PCDHGA5: variants seen among roughly 807,000 people sequenced by gnomAD.
PCDHGA5 encodes the protein protocadherin gamma subfamily A, 5, also known as protocadherin gamma-A5.
In PCDHGA5, 36 loss-of-function variants were observed where a neutral mutation model predicts 56.7. The ratio of observed to expected loss-of-function variants is 0.64; its 90% CI spans 0.49 to 0.84. The LOEUF (loss-of-function observed/expected upper bound fraction) is 0.84, where lower values mean the gene tolerates loss of function less well. Among genes scored for constraint, PCDHGA5 ranks in the 40% least tolerant of loss-of-function variants. The pLI is 0.00. For synonymous variants in PCDHGA5, 563 were observed against 520.2 expected (o/e 1.08, Z -1.12); for missense variants, 1,305 against 1,201.5 (o/e 1.09, Z -1.27).
Position 141,366,231 on chromosome 5 carries a change from A to G in PCDHGA5, c.1901A>G (p.Asp634Gly), listed in dbSNP as rs1288043202. 3 of 1,613,786 alleles carry G rather than the reference A, an allele frequency of 1.9e-6. No homozygotes were observed. Among genetic ancestry groups the G allele is most frequent in the Non-Finnish European group, 2.5e-6 (3 of 1,180,026 alleles). Residue 634 changes from aspartate to glycine, a missense_variant, in exon 1 of 4, where the codon GAC becomes GGC. Transcript: ENST00000518069. ...GTGCGCACAGCGCGAGCCCTGCTGG[A>G]CAGAGACGCGCTCAAGCAGAGCCTC... Reference protein sequence around the residue: ...GEVRTARALLDRDALKQSLVV... With the variant: ...GEVRTARALLGRDALKQSLVV...
chr5:141,394,740 G>A (rs148904388), intron 1 of PCDHGA5: 174 of 1,613,404 alleles, frequency 1.1e-4, no homozygotes, highest in Non-Finnish European at 1.4e-4. Flanking sequence ...GCAGAGCCTC[G>A]TGGTGGCCGT....
chr5:141,371,371 A>C (rs745398017), intron 1 of PCDHGA5: 1 of 1,614,032 alleles, frequency 6.2e-7, no homozygotes, highest in Non-Finnish European at 8.5e-7. Context: ...GATGGTGGAC[A>C]TCACACTGCA....
rs1203060261 is a variant in PCDHGA5, at chr5:141,493,037, AG to A, written c.2422-1768del. 3.3e-5 allele frequency among the ~76,000 whole-genome samples: 5 copies of A among 152,252 alleles called. No individual in the cohort carries two copies. The highest frequency in any genetic ancestry group is 2.6e-4 in the Admixed American group (4 of 15,290). ...AGATGCCAGGGTGCCCTTATGTGTG[AG>A]GAAACTACAATAGTAAAAAACACAA... is the stretch of plus-strand genomic sequence containing the variant. On this transcript the variant is annotated intron_variant, in intron 1 of 3. Transcript: ENST00000518069. This position sits in a 1 kb window ranked among gnomAD's most constrained non-coding sequence, Gnocchi z 4.3.
chr5:141,423,440 C>T lies in PCDHGA5; in HGVS notation c.2421+56689C>T, dbSNP rs768389351. 27 of 1,613,852 alleles carry T rather than the reference C, an allele frequency of 1.7e-5. No individual in the cohort carries two copies. In the East Asian group the frequency reaches 4.5e-4, roughly 27 times the overall value. ...GAAGGCGGGTTGGCAGGTATGCCCACGTCACATTTTGTAGGCGTGGACGGG... is the reference window on the plus strand; with the variant it reads ...GAAGGCGGGTTGGCAGGTATGCCCATGTCACATTTTGTAGGCGTGGACGGG... On this transcript the variant is annotated intron_variant, in intron 1 of 3. Coordinates refer to ENST00000518069, the MANE Select transcript of PCDHGA5 (RefSeq NM_018918.3).
chr5:141,486,884 C>G lies in PCDHGA5; in HGVS notation c.2422-7923C>G, dbSNP rs1272694679. On this transcript the variant is annotated intron_variant, in intron 1 of 3. Transcript: ENST00000518069. The surrounding 1 kb of genome is among the most constrained non-coding windows in gnomAD (Gnocchi z 5.0). ...TCCAGCTGTGCTCCGTCCTCGGGCC[C>G]GGCCTGGTTCCTTATGTCCCCAAGC... The G allele has an allele frequency of 6.2e-7, 1 of 1,614,224 alleles. No homozygotes were observed. The highest frequency in any genetic ancestry group is 8.5e-7 in the Non-Finnish European group (1 of 1,180,046).
chr5:141,441,136 GA>G (rs1379465827), intron 1 of PCDHGA5: 2 of 152,304 alleles, frequency 1.3e-5, no homozygotes, highest in Middle Eastern at 3.4e-3. Flanking sequence ...CGAATTTCTA[GA>G]AGATAATGAC....
intron 1 of PCDHGA5, chr5:141,410,797 C>T: frequency 3.0e-6 from 2 of 675,992 alleles, no homozygotes; most frequent in South Asian, 3.2e-5. Flanking sequence ...TCATAAGTTG[C>T]TCTATCTTTT....
chr5:141,412,805 A>G (rs2095578499), intron 1 of PCDHGA5, among the ~76,000 whole-genome samples: 1 of 152,246 alleles, frequency 6.6e-6, no homozygotes, highest in Non-Finnish European at 1.5e-5. Context: ...ACCTCCCCTA[A>G]GAAACCTACA....
At chr5:141,423,806 T>A in intron 1 of PCDHGA5, 1 of 1,251,576 alleles carries the variant, frequency 8.0e-7, no homozygotes, top group African/African-American at 1.6e-5. Flanking sequence ...GCAATACATG[T>A]GAGTTTTACT....
At chr5:141,422,138 T>G (rs1201680879) in intron 1 of PCDHGA5, 1 of 1,587,640 alleles carries the variant, frequency 6.3e-7, no homozygotes, top group Admixed American at 1.9e-5. Context: ...GAAGTTCAAG[T>G]ACGGGGGTCT....
intron 2 of PCDHGA5, among the ~76,000 whole-genome samples, chr5:141,502,759 C>T (rs535899844): frequency 9.9e-5 from 15 of 152,130 alleles, no homozygotes; most frequent in African/African-American, 3.6e-4. Context: ...CATGTATTTG[C>T]TGGTATTCTT....
At chr5:141,392,273 GC>G (rs1371015127) in intron 1 of PCDHGA5, 1 of 152,178 alleles carries the variant, frequency 6.6e-6, no homozygotes, top group Non-Finnish European at 1.5e-5. Flanking sequence ...TTACAATAAA[GC>G]TTAGAGCACA....
chr5:141,510,847 AG>A, intron 3 of PCDHGA5, 99 bp from the exon 4 acceptor site: 3 of 1,595,350 alleles, frequency 1.9e-6, no homozygotes, highest in Non-Finnish European at 2.6e-6. Context: ...GTCAAGGCCC[AG>A]GGTGCTGTAT....
chr5:141,490,405 ATC>A lies in PCDHGA5; in HGVS notation c.2422-4397_2422-4396del, dbSNP rs765446736. 1 of 1,614,142 alleles carries A rather than the reference ATC, an allele frequency of 6.2e-7. No individual in the cohort carries two copies. The highest frequency in any genetic ancestry group is 8.5e-7 in the Non-Finnish European group (1 of 1,180,028). ...TAGAAATGGTGAAGTGAGCCTTGATATCTCTCCGGACCTGCCATTTCAGATTA... is the reference window on the plus strand; with the variant it reads ...TAGAAATGGTGAAGTGAGCCTTGATATCTCCGGACCTGCCATTTCAGATTA... On this transcript the variant is annotated intron_variant, in intron 1 of 3. Transcript: ENST00000518069. The surrounding 1 kb of genome is among the most constrained non-coding windows in gnomAD (Gnocchi z 5.4).
intron 1 of PCDHGA5, among the ~76,000 whole-genome samples, chr5:141,473,413 G>A (rs1282997381): frequency 6.6e-6 from 1 of 152,156 alleles, no homozygotes; most frequent in Non-Finnish European, 1.5e-5. Context: ...CTTCTTCAGT[G>A]GGGGAAGCAG....
chr5:141,504,578 TGCCCAGGATTCACAGCAA>T (rs2099839274), intron 2 of PCDHGA5, among the ~76,000 whole-genome samples: 1 of 148,500 alleles, frequency 6.7e-6, no homozygotes, highest in African/African-American at 2.5e-5. Flanking sequence ...GAACACCATC[TGCCCAGGATTCACAGCAA>T]GAGGGAACTT....
rs199625514 is a variant in PCDHGA5 at position 141,485,144 on chromosome 5, G to C, written c.2422-9663G>C. The C allele has an allele frequency of 6.4e-7, 1 of 1,564,190 alleles. No homozygotes were observed. Among genetic ancestry groups the C allele is most frequent in the African/African-American group, 1.4e-5 (1 of 74,034 alleles). ...CGGGTCGGCTTCATCCGCGTCTCAG[G>C]AGCAAGTAGAGAATTAGCGGGCGGC... On this transcript the variant is annotated intron_variant, in intron 1 of 3. Coordinates refer to ENST00000518069, the MANE Select transcript of PCDHGA5 (RefSeq NM_018918.3). The surrounding 1 kb of genome is among the most constrained non-coding windows in gnomAD (Gnocchi z 5.7).
intron 1 of PCDHGA5, among the ~76,000 whole-genome samples, chr5:141,450,812 T>A (rs2098694727): frequency 7.5e-6 from 1 of 133,924 alleles, no homozygotes; most frequent in Admixed American, 7.4e-5. Context: ...ATTTATTTAT[T>A]TAATATTATT....
In PCDHGA5 at chr5:141,364,826, T is replaced by C; in HGVS notation, c.496T>C (p.Ser166Pro). ...FARDADVGVN[S>P]LRSYQLSSNL... ...GCGGGATGCGGATGTGGGTGTGAAC[T>C]CTCTCCGGAGTTACCAGCTCAGCTC... The change falls in exon 1 of 4, where the codon TCT becomes CCT. Residue 166 changes from serine (S) to proline (P), a missense_variant. Coordinates refer to ENST00000518069, the MANE Select transcript of PCDHGA5 (RefSeq NM_018918.3). 6.2e-7 allele frequency: 1 copy of C among 1,613,980 alleles called. No homozygotes were observed. The highest frequency in any genetic ancestry group is 8.5e-7 in the Non-Finnish European group (1 of 1,179,882).
Sources: gnomAD v4.1 joint callset for allele counts (sites outside exome capture counted in the v4.1 genomes callset) on GRCh38, gnomAD v4.1.1 for gene constraint, Gnocchi (gnomAD v3.1) non-coding constraint, MANE v1.5 for transcripts, NCBI Gene and HGNC (gene_info 2026-07-23, HGNC 2026-07-21) for gene names.